The following NPR3 variants were observed in gnomAD, a reference collection of about 807,000 sequenced individuals.
NPR3 encodes the protein natriuretic peptide receptor 3, also known as atrial natriuretic peptide receptor 3.
In NPR3, 34 loss-of-function variants were observed where a neutral mutation model predicts 54.5. The ratio of observed to expected loss-of-function variants is 0.62; its 90% confidence interval spans 0.47 to 0.83. The LOEUF (loss-of-function observed/expected upper bound fraction) is 0.83, where lower values mean the gene tolerates loss of function less well. Among genes scored for constraint, NPR3 ranks in the 40% least tolerant of loss-of-function variants. The pLI is 0.00. For missense variants in NPR3, 674 were observed against 720.8 expected (o/e 0.94, Z 0.74); for synonymous variants, 289 against 297.1 (o/e 0.97, Z 0.28).
Position 32,786,354 on chromosome 5 carries a change from C to T in NPR3, c.*9C>T. The T allele has an allele frequency of 7.9e-7, 1 of 1,268,316 alleles. No homozygotes were observed. The highest frequency in any genetic ancestry group is 1.1e-6 in the Non-Finnish European group (1 of 882,238). 78.6% of individuals were successfully genotyped at this position (1,268,316 alleles called of 1,614,324 possible). A position where few individuals can be genotyped will look rare whatever the true frequency, so the allele number is the denominator to read the frequency against. On this transcript the variant is annotated 3_prime_UTR_variant, in exon 8 of 8. Transcript: ENST00000265074. ...ATTTTTCAGTAGCTTAAAGGAAGCC[C>T]CCCACTTTTTTTTTTTCTGCCTGAG...
rs73755097 is a variant in NPR3, at chr5:32,713,932, C to T, written c.769+1387C>T. 2.6e-3 allele frequency among the ~76,000 whole-genome samples: 397 copies of T among 152,310 alleles called. 5 individuals carry two copies. The highest frequency in any genetic ancestry group is 9.2e-3 in the African/African-American group (384 of 41,562). ...ATTCCTACCAGCCAAGCAGGCGGGG[C>T]GCAGGCTTTGCCGATTATGAAAAAG... On this transcript the variant is annotated intron_variant, in intron 1 of 7. Transcript: ENST00000265074.
chr5:32,745,838 A>G (rs189595620), intron 3 of NPR3, among the ~76,000 whole-genome samples: 54 of 152,282 alleles, frequency 3.5e-4, no homozygotes, highest in African/African-American at 1.2e-3. Flanking sequence ...ATAAACCATC[A>G]TTCCTTTGAT....
At chr5:32,722,768 A>G (rs1436316790) in intron 1 of NPR3, among the ~76,000 whole-genome samples, 1 of 152,230 alleles carries the variant, frequency 6.6e-6, no homozygotes, top group Non-Finnish European at 1.5e-5. Context: ...GAATCAAATC[A>G]GAGGTGAAAC....
At chr5:32,730,671 T>G (rs1475333256) in intron 2 of NPR3, among the ~76,000 whole-genome samples, 1 of 152,210 alleles carries the variant, frequency 6.6e-6, no homozygotes, top group Non-Finnish European at 1.5e-5. Context: ...TGTTTCTATA[T>G]TCTAGCAATG....
chr5:32,766,036 G>A (rs551445644), intron 3 of NPR3, among the ~76,000 whole-genome samples: 1 of 152,192 alleles, frequency 6.6e-6, no homozygotes, highest in African/African-American at 2.4e-5. Flanking sequence ...GCAGCCCCTG[G>A]CATCCCACCT....
intron 3 of NPR3, among the ~76,000 whole-genome samples, chr5:32,740,275 A>C (rs1308066395): frequency 6.6e-6 from 1 of 152,188 alleles, no homozygotes; most frequent in Non-Finnish European, 1.5e-5. Context: ...CCCCGATTCA[A>C]ATTACTTTTT....
In NPR3 at chr5:32,786,680, T is replaced by C. The variant is rs186939984; in HGVS notation, c.*335T>C. On this transcript the variant is annotated 3_prime_UTR_variant, in exon 8 of 8. Coordinates refer to ENST00000265074, the MANE Select transcript of NPR3 (RefSeq NM_001204375.2). ...TTTGGGAGCATTTCACACAAGGATATAAAATGCGGTTTTCTTAAATGAAAT... is the reference window on the plus strand; with the variant it reads ...TTTGGGAGCATTTCACACAAGGATACAAAATGCGGTTTTCTTAAATGAAAT... 2.8e-4 allele frequency: 58 copies of C among 209,576 alleles called. 1 individual carries two copies. In the East Asian group the frequency reaches 7.9e-3, roughly 29 times the overall value. 13.0% of individuals were successfully genotyped at this position (209,576 alleles called of 1,614,324 possible).
At chr5:32,737,242 C>A (rs1739798020) in intron 2 of NPR3, among the ~76,000 whole-genome samples, 2 of 152,154 alleles carry the variant, frequency 1.3e-5, no homozygotes, top group South Asian at 4.1e-4. Flanking sequence ...CTTTGTACCC[C>A]CCATAGTAAG....
intron 4 of NPR3, among the ~76,000 whole-genome samples, chr5:32,780,465 A>G (rs1742279773): frequency 6.6e-6 from 1 of 150,826 alleles, no homozygotes; most frequent in African/African-American, 2.5e-5. Flanking sequence ...CTTTTTTCAA[A>G]CATATCCCCC....
Position 32,711,852 on chromosome 5 carries a change from G to T in NPR3, c.76G>T (p.Gly26Cys), listed in dbSNP as rs1024856554. 1.8e-5 allele frequency: 27 copies of T among 1,463,260 alleles called. No individual in the cohort carries two copies. Among genetic ancestry groups the T allele is most frequent in the Non-Finnish European group, 2.2e-5 (24 of 1,109,848 alleles). The allele number at this position is 1,463,260 out of a possible 1,614,324, so 90.6% of individuals were successfully genotyped here. A position where few individuals can be genotyped will look rare whatever the true frequency, so the allele number is the denominator to read the frequency against. Residue 26 changes from glycine to cysteine, a missense_variant, in exon 1 of 8, where the codon GGC (glycine) becomes TGC (cysteine). Coordinates refer to ENST00000265074, the MANE Select transcript of NPR3 (RefSeq NM_001204375.2). ...GWALLAGGTG[G>C]GGVGGGGGGA... is the part of the protein sequence containing the mutation. ...GGCGTTGCTGGCCGGCGGCACCGGT[G>T]GCGGTGGCGTTGGCGGCGGCGGCGG... is the stretch of plus-strand genomic sequence containing the variant.
intron 1 of NPR3, among the ~76,000 whole-genome samples, chr5:32,702,963 G>A (rs1737866583): frequency 6.6e-6 from 1 of 152,172 alleles, no homozygotes; most frequent in Non-Finnish European, 1.5e-5. Flanking sequence ...TCTAACTGGT[G>A]TGAGATGGTA....
At chr5:32,781,700 T>C (rs994039782) in intron 5 of NPR3, among the ~76,000 whole-genome samples, 1 of 152,338 alleles carries the variant, frequency 6.6e-6, no homozygotes, top group South Asian at 2.1e-4. Context: ...TAATGAATGA[T>C]TGTTTTGCCC....
At chr5:32,748,656 C>G (rs1740423705) in intron 3 of NPR3, among the ~76,000 whole-genome samples, 2 of 151,990 alleles carry the variant, frequency 1.3e-5, no homozygotes, top group Non-Finnish European at 2.9e-5. Context: ...TGTCAGCTGA[C>G]AGGGAAAGGG....
At chr5:32,758,543 CA>C (rs1370784973) in intron 3 of NPR3, among the ~76,000 whole-genome samples, 5 of 151,754 alleles carry the variant, frequency 3.3e-5, no homozygotes, top group African/African-American at 9.7e-5. Context: ...TTGATCTTGT[CA>C]AAAAACTAGC....
At chr5:32,692,037 G>T (rs1214500111) in intron 1 of NPR3, among the ~76,000 whole-genome samples, 1 of 152,138 alleles carries the variant, frequency 6.6e-6, no homozygotes, top group East Asian at 1.9e-4. Context: ...ACATTAAGAA[G>T]AATCCTATGG....
At chr5:32,719,252 C>T (rs1240716059) in intron 1 of NPR3, among the ~76,000 whole-genome samples, 1 of 152,124 alleles carries the variant, frequency 6.6e-6, no homozygotes, top group Non-Finnish European at 1.5e-5. Context: ...CTTCCTGGGA[C>T]TTCCATCACC....
chr5:32,787,074 T>A lies in NPR3; in HGVS notation c.*729T>A, dbSNP rs1304861404. 2 of 152,800 alleles carry A rather than the reference T, an allele frequency of 1.3e-5. No individual in the cohort carries two copies. The highest frequency in any genetic ancestry group is 2.9e-5 in the Non-Finnish European group (2 of 68,044). The allele number at this position is 152,800 out of a possible 1,614,324, so 9.5% of individuals were successfully genotyped here. The stretch of plus-strand genomic sequence containing the variant: ...ACTAACATTTTATTTTACAAGTATT[T>A]TAATCTTATATTTTGGTATTAGAAA... On this transcript the variant is annotated 3_prime_UTR_variant, in exon 8 of 8. Transcript: ENST00000265074.
At position 32,789,555 on chromosome 5, in the gene NPR3, A is replaced by T; in HGVS notation, c.*3210A>T. The T allele has an allele frequency of 1.9e-6, 1 of 534,710 alleles. No homozygotes were observed. Among genetic ancestry groups the T allele is most frequent in the South Asian group, 1.4e-5 (1 of 71,590 alleles). The allele number at this position is 534,710 out of a possible 1,614,324, so 33.1% of individuals were successfully genotyped here. On this transcript the variant is annotated 3_prime_UTR_variant, in exon 8 of 8. Transcript: ENST00000265074. ...GAAGAGAGAAATGCATGGGAAAAGA[A>T]CACCTCCTTTTCTCCTTTCTCTTAA...
intron 1 of NPR3, among the ~76,000 whole-genome samples, chr5:32,718,738 G>A (rs1177383599): frequency 2.0e-5 from 3 of 152,182 alleles, no homozygotes; most frequent in Non-Finnish European, 4.4e-5. Flanking sequence ...TCAGCTTAAG[G>A]AGATTTTGGG....
Sources: allele counts gnomAD v4.1 joint callset (sites outside exome capture counted in the v4.1 genomes callset), GRCh38; gene constraint gnomAD v4.1.1; transcripts MANE v1.5; gene names NCBI Gene and HGNC (gene_info 2026-07-23, HGNC 2026-07-21).